Variants in UGT1A3 observed in about 807,000 individuals in gnomAD.
The protein encoded by UGT1A3 is UDP glucuronosyltransferase family 1 member A3.
In UGT1A3, 31 loss-of-function variants were observed where a neutral mutation model predicts 41.0. The observed-to-expected ratio is 0.76, with a 90% CI of 0.57 to 1.02. The LOEUF (loss-of-function observed/expected upper bound fraction) is 1.02. Ranked by LOEUF, UGT1A3 falls within the 50% of genes least tolerant of loss-of-function variation. The probability of loss-of-function intolerance (pLI) is 0.00; values close to 1 mark genes in which losing one functional copy is unlikely to be tolerated. For synonymous variants in UGT1A3, 262 were observed against 257.6 expected, an observed-to-expected ratio of 1.02 and a Z score of -0.17; for missense variants, 737 against 671.0, an observed-to-expected ratio of 1.10 and a Z score of -1.09.
chr2:233,742,265 C>A (rs1188794334), intron 1 of UGT1A3, among the ~76,000 whole-genome samples: 2 of 151,928 alleles, frequency 1.3e-5, no homozygotes, highest in Non-Finnish European at 2.9e-5. Context: ...TGACAGCAAG[C>A]CTGTGATAAG....
At chr2:233,747,834 C>A (rs367969485) in intron 1 of UGT1A3, 5 of 1,613,520 alleles carry the variant, frequency 3.1e-6, no homozygotes, top group South Asian at 1.1e-5. Context: ...CATGACATTC[C>A]TGCAAAGGGT....
intron 1 of UGT1A3, chr2:233,741,799 G>C (rs1253457401): frequency 6.6e-6 from 1 of 151,906 alleles, no homozygotes; most frequent in Non-Finnish European, 1.5e-5. Flanking sequence ...TTACCAGCAT[G>C]CTGCTCTTAA....
intron 1 of UGT1A3, among the ~76,000 whole-genome samples, chr2:233,744,831 G>T (rs1406769887): frequency 6.6e-6 from 1 of 151,816 alleles, no homozygotes; most frequent in Non-Finnish European, 1.5e-5. Flanking sequence ...TTTGAGAATC[G>T]CTAGTCTAGC....
At chr2:233,759,776 G>A (rs1697250630) in intron 1 of UGT1A3, among the ~76,000 whole-genome samples, 1 of 152,160 alleles carries the variant, frequency 6.6e-6, no homozygotes, top group African/African-American at 2.4e-5. Context: ...ATTGTTGGAC[G>A]AAGGAATGAA....
chr2:233,748,526 A>G (rs1693963242), intron 1 of UGT1A3, among the ~76,000 whole-genome samples: 1 of 151,860 alleles, frequency 6.6e-6, no homozygotes, highest in South Asian at 2.1e-4. Context: ...CGAATGATAG[A>G]GAGGTGACCA....
rs763548038 is a variant in UGT1A3, at chr2:233,772,319, G to T, written c.1365G>T (p.Pro455=). Residue 455 remains proline, a synonymous_variant, in exon 5 of 5, where the codon CCG becomes CCT. Coordinates refer to ENST00000482026, the MANE Select transcript of UGT1A3 (RefSeq NM_019093.4). ...SSLHKDRPVE[P]LDLAVFWVEF... ...TTCACAAGGACCGCCCGGTGGAGCC[G>T]CTGGACCTGGCCGTGTTCTGGGTGG... 6.2e-7 allele frequency: 1 copy of T among 1,614,164 alleles called. No homozygotes were observed. The highest frequency in any genetic ancestry group is 8.5e-7 in the Non-Finnish European group (1 of 1,180,030).
chr2:233,772,325 C>A lies in UGT1A3; in HGVS notation c.1371C>A (p.Asp457Glu). 6.2e-7 allele frequency: 1 copy of A among 1,614,136 alleles called. No homozygotes were observed. Among genetic ancestry groups the A allele is most frequent in the Non-Finnish European group, 8.5e-7 (1 of 1,180,020 alleles). ...AGGACCGCCCGGTGGAGCCGCTGGACCTGGCCGTGTTCTGGGTGGAGTTTG... is the reference window on the plus strand; with the variant it reads ...AGGACCGCCCGGTGGAGCCGCTGGAACTGGCCGTGTTCTGGGTGGAGTTTG... ...LHKDRPVEPL[D>E]LAVFWVEFVM... is the part of the protein sequence containing the mutation. Residue 457 changes from aspartate (D) to glutamate (E), a missense_variant, in exon 5 of 5, where the codon GAC (aspartate) becomes GAA (glutamate). Coordinates refer to ENST00000482026, the MANE Select transcript of UGT1A3 (RefSeq NM_019093.4).
At chr2:233,754,769 C>T in intron 1 of UGT1A3, 4 of 1,026,872 alleles carry the variant, frequency 3.9e-6, no homozygotes, top group Non-Finnish European at 5.4e-6. Context: ...CCCCACTTCC[C>T]AGGGAGCCAA....
At chr2:233,730,107 G>C (rs2077985691) in intron 1 of UGT1A3, 114 bp downstream of exon 1, 1 of 1,570,754 alleles carries the variant, frequency 6.4e-7, no homozygotes. Flanking sequence ...TTTCATTTCT[G>C]CTTCTCCTTG....
Position 233,768,563 on chromosome 2 carries a change from A to T in UGT1A3, c.1307+124A>T, listed in dbSNP as rs1381263592. On this transcript the variant is annotated intron_variant, in intron 4 of 4. Transcript: ENST00000482026. Reference sequence around the variant, plus strand: ...CAAATATAAAAACAAATACATAAAAATCTGGATTTTTATTTCTTCTTTTTT... The same window carrying T: ...CAAATATAAAAACAAATACATAAAATTCTGGATTTTTATTTCTTCTTTTTT... The T allele has an allele frequency of 4.1e-6, 6 of 1,456,444 alleles. No individual in the cohort carries two copies. The East Asian group carries it at 1.5e-4, about 37-fold the overall frequency. The allele number at this position is 1,456,444 out of a possible 1,614,324, so 90.2% of individuals were successfully genotyped here.
chr2:233,747,691 T>A, intron 1 of UGT1A3: 3 of 1,611,090 alleles, frequency 1.9e-6, no homozygotes, highest in Non-Finnish European at 2.5e-6. Context: ...TGTGGGGCAG[T>A]GCTGGCTAAG....
intron 1 of UGT1A3, among the ~76,000 whole-genome samples, chr2:233,761,404 T>C (rs1310235983): frequency 6.6e-6 from 1 of 152,228 alleles, no homozygotes; most frequent in East Asian, 1.9e-4. Flanking sequence ...TAGTAATCAA[T>C]TAGAAACAAC....
At chr2:233,752,558 C>A (rs1695002027) in intron 1 of UGT1A3, 1 of 152,132 alleles carries the variant, frequency 6.6e-6, no homozygotes, top group Non-Finnish European at 1.5e-5. Context: ...GCTGGGACAA[C>A]ATAGTGGGTC....
At chr2:233,753,561 G>A (rs1235204227) in intron 1 of UGT1A3, 1 of 152,192 alleles carries the variant, frequency 6.6e-6, no homozygotes, top group African/African-American at 2.4e-5. Flanking sequence ...GACCCTAGAA[G>A]ATGGGACCCT....
intron 1 of UGT1A3, among the ~76,000 whole-genome samples, chr2:233,748,714 G>C (rs1019061059): frequency 6.6e-6 from 1 of 151,630 alleles, no homozygotes; most frequent in Non-Finnish European, 1.5e-5. Flanking sequence ...TTGGGGTCTG[G>C]TGCATGATGT....
chr2:233,768,499 A>G (rs528932470), intron 4 of UGT1A3, 60 bp downstream of exon 4: 7 of 1,570,454 alleles, frequency 4.5e-6, no homozygotes, highest in Non-Finnish European at 6.1e-6. Flanking sequence ...AATTGTTTCA[A>G]ATATGAAAAC....
intron 1 of UGT1A3, among the ~76,000 whole-genome samples, chr2:233,759,429 C>A (rs1193069176): frequency 1.3e-5 from 2 of 152,114 alleles, no homozygotes; most frequent in Admixed American, 6.5e-5. Context: ...GGCCAGTTGG[C>A]TCTATTTTAA....
rs531044910 is a variant in UGT1A3, at chr2:233,751,112, A to G, written c.868-15922A>G. 2.6e-5 allele frequency among the ~76,000 whole-genome samples: 4 copies of G among 152,082 alleles called. No homozygotes were observed. The South Asian group carries it at 8.3e-4, about 32-fold the overall frequency. On this transcript the variant is annotated intron_variant, in intron 1 of 4. Transcript: ENST00000482026. ...GGAGGAGGGCTTTGCCCTGCAAGCCACAGTGTCCAAGTTGCCTGAGACTGT... is the reference window on the plus strand; with the variant it reads ...GGAGGAGGGCTTTGCCCTGCAAGCCGCAGTGTCCAAGTTGCCTGAGACTGT...
At chr2:233,741,540 A>G (rs1267633349) in intron 1 of UGT1A3, 14 of 152,000 alleles carry the variant, frequency 9.2e-5, no homozygotes. Context: ...TTATTCTGAT[A>G]CTTCTTTTAT....
Sources: gnomAD v4.1 joint callset for allele counts (sites outside exome capture counted in the v4.1 genomes callset) on GRCh38, gnomAD v4.1.1 for gene constraint, MANE v1.5 for transcripts, NCBI Gene and HGNC (gene_info 2026-07-23, HGNC 2026-07-21) for gene names.